The following ERC2 variants were observed in gnomAD, a reference collection of about 807,000 sequenced individuals.
ERC2 encodes the protein ERC protein 2.
ERC2 carries 42 observed loss-of-function variants against 114.8 expected under a neutral mutation model. The ratio of observed to expected loss-of-function variants is 0.37; its 90% CI spans 0.29 to 0.47. The LOEUF (loss-of-function observed/expected upper bound fraction) is 0.47. Among genes scored for constraint, ERC2 ranks in the 20% least tolerant of loss-of-function variants. ERC2 has a pLI of 0.99. For synonymous variants in ERC2, 454 were observed against 425.5 expected (o/e 1.07, Z -0.82); for missense variants, 939 against 1,150.7 (o/e 0.82, Z 2.66).
At chr3:55,777,641 A>G (rs1414745851) in intron 14 of ERC2, among the ~76,000 whole-genome samples, 1 of 152,202 alleles carries the variant, frequency 6.6e-6, no homozygotes, top group Non-Finnish European at 1.5e-5. Context: ...ACTTTGATTT[A>G]TTGTAAATTT....
chr3:56,299,153 A>G (rs2055684540), intron 2 of ERC2, among the ~76,000 whole-genome samples: 1 of 135,214 alleles, frequency 7.4e-6, no homozygotes, highest in African/African-American at 2.9e-5. Flanking sequence ...TTTGAGACAG[A>G]GTCTCGTCCT....
rs10662566 is a variant in ERC2, at chr3:55,994,647, TAAAAAA to T, written c.2062-2403_2062-2398del. ...CATTGACAAGATACTACATACTCCC[TAAAAAA>T]AAAAAAAAAAAAAAAAAAAGCCTCC... On this transcript the variant is annotated intron_variant, in intron 10 of 17. Coordinates refer to ENST00000288221, the MANE Select transcript of ERC2 (RefSeq NM_015576.3). Among the ~76,000 whole-genome samples, 5 of 61,418 alleles carry T rather than the reference TAAAAAA, an allele frequency of 8.1e-5. No individual in the cohort carries two copies. The Admixed American group carries it at 1.1e-3, about 13-fold the overall frequency. The allele number at this position is 61,418 out of a possible 152,430, so 40.3% of individuals were successfully genotyped here.
chr3:55,525,275 C>T (rs1385412615), intron 17 of ERC2, among the ~76,000 whole-genome samples: 1 of 152,190 alleles, frequency 6.6e-6, no homozygotes, highest in Non-Finnish European at 1.5e-5. Flanking sequence ...TTCAATTCAA[C>T]AAGCAATCAT....
intron 3 of ERC2, among the ~76,000 whole-genome samples, chr3:56,235,148 C>A (rs1246833044): frequency 6.6e-6 from 1 of 152,120 alleles, no homozygotes; most frequent in Non-Finnish European, 1.5e-5. Context: ...CCCCCTACCC[C>A]CAATCCCACT....
At chr3:56,112,463 A>G (rs990125793) in intron 6 of ERC2, among the ~76,000 whole-genome samples, 3 of 136,974 alleles carry the variant, frequency 2.2e-5, no homozygotes, top group African/African-American at 8.0e-5. Flanking sequence ...ACACACACAC[A>G]CACATTGGCA....
intron 7 of ERC2, among the ~76,000 whole-genome samples, chr3:56,022,838 C>A (rs1045156756): frequency 1.3e-5 from 2 of 152,162 alleles, no homozygotes; most frequent in Middle Eastern, 3.4e-3. Context: ...AGAGAGAAAC[C>A]CTGCCCTTGC....
intron 12 of ERC2, among the ~76,000 whole-genome samples, chr3:55,969,430 CACACA>C (rs1559951289): frequency 1.3e-5 from 2 of 151,200 alleles, no homozygotes; most frequent in Non-Finnish European, 2.9e-5. Context: ...CACACACACA[CACACA>C]CCCTTCACCA....
chr3:55,742,431 A>G (rs151296960), intron 14 of ERC2, among the ~76,000 whole-genome samples: 134 of 152,318 alleles, frequency 8.8e-4, no homozygotes, highest in African/African-American at 2.7e-3. Context: ...GCATTAACAC[A>G]TTGTTTCTTG....
chr3:55,598,083 A>T (rs145700116), intron 17 of ERC2, among the ~76,000 whole-genome samples: 1 of 152,300 alleles, frequency 6.6e-6, no homozygotes, highest in Non-Finnish European at 1.5e-5. Context: ...CCCCTGCAAC[A>T]CAACCTATTA....
intron 2 of ERC2, among the ~76,000 whole-genome samples, chr3:56,392,142 G>C (rs1157664120): frequency 6.6e-6 from 1 of 152,158 alleles, no homozygotes; most frequent in Non-Finnish European, 1.5e-5. Flanking sequence ...TGATTTTAAA[G>C]AAATGTTTCA....
chr3:55,662,735 C>T (rs2061190077), intron 17 of ERC2, among the ~76,000 whole-genome samples: 1 of 152,088 alleles, frequency 6.6e-6, no homozygotes, highest in Admixed American at 6.5e-5. Flanking sequence ...AGACATATTA[C>T]TAAGGGTAGG....
At chr3:55,670,577 C>A (rs1301735899) in intron 17 of ERC2, among the ~76,000 whole-genome samples, 3 of 152,206 alleles carry the variant, frequency 2.0e-5, no homozygotes, top group Admixed American at 6.5e-5. Context: ...GGGTTCGGAT[C>A]CTAGCTCTGA....
chr3:55,810,479 T>C (rs1016925543), intron 14 of ERC2, among the ~76,000 whole-genome samples: 4 of 152,114 alleles, frequency 2.6e-5, no homozygotes, highest in Non-Finnish European at 2.9e-5. Context: ...TTTTTTTTGT[T>C]TGAGACGGAG....
At chr3:56,143,635 T>G (rs895333712) in intron 5 of ERC2, among the ~76,000 whole-genome samples, 1 of 152,186 alleles carries the variant, frequency 6.6e-6, no homozygotes, top group African/African-American at 2.4e-5. Flanking sequence ...TTAAACCTCT[T>G]TCCTTTATAA....
intron 12 of ERC2, among the ~76,000 whole-genome samples, chr3:55,967,937 T>C (rs1340292024): frequency 1.3e-5 from 2 of 152,214 alleles, no homozygotes; most frequent in African/African-American, 4.8e-5. Flanking sequence ...GCCAGCTTCC[T>C]GATCTTGGAC....
At chr3:56,090,802 C>T (rs1035751834) in intron 6 of ERC2, among the ~76,000 whole-genome samples, 4 of 150,510 alleles carry the variant, frequency 2.7e-5, no homozygotes, top group African/African-American at 9.8e-5. Context: ...TACCCTTCCT[C>T]TTTTTTTTAT....
chr3:55,734,686 G>T, intron 15 of ERC2, 85 bp downstream of exon 15: 1 of 1,508,852 alleles, frequency 6.6e-7, no homozygotes, highest in Non-Finnish European at 8.9e-7. Context: ...GATGGACATG[G>T]GAAAATGAAG....
chr3:56,190,023 T>C (rs545328631), intron 3 of ERC2, among the ~76,000 whole-genome samples: 6 of 152,280 alleles, frequency 3.9e-5, no homozygotes, highest in Middle Eastern at 6.8e-3. Context: ...ATCTTTAGCA[T>C]GAATATGATG....
At chr3:55,816,610 T>C (rs2059912459) in intron 14 of ERC2, among the ~76,000 whole-genome samples, 1 of 152,188 alleles carries the variant, frequency 6.6e-6, no homozygotes, top group Non-Finnish European at 1.5e-5. Context: ...TTATGCCAGA[T>C]GCAATCTCAT....
Sources: allele counts gnomAD v4.1 joint callset (sites outside exome capture counted in the v4.1 genomes callset), GRCh38; gene constraint gnomAD v4.1.1; transcripts MANE v1.5; gene names NCBI Gene and HGNC (gene_info 2026-07-23, HGNC 2026-07-21).